ZP3: variants seen among roughly 807,000 people sequenced by gnomAD.
ZP3 encodes zona pellucida sperm-binding protein 3.
A neutral mutation model predicts 35.6 loss-of-function variants in ZP3; 21 were observed. The observed-to-expected ratio is 0.59, with a 90% CI of 0.42 to 0.85. The LOEUF (loss-of-function observed/expected upper bound fraction) is 0.85. ZP3 is among the 40% of genes least tolerant of loss of function. The pLI is 0.00. For synonymous variants in ZP3, 207 were observed against 214.5 expected, an observed-to-expected ratio of 0.96 and a Z score of 0.31; for missense variants, 437 against 536.5, an observed-to-expected ratio of 0.81 and a Z score of 1.83.
chr7:76,440,058 G>A, intron 5 of ZP3, 192 bp from the exon 6 acceptor site: 1 of 810,756 alleles, frequency 1.2e-6, no homozygotes, highest in East Asian at 2.8e-5. Context: ...TGTTGGCCAG[G>A]TTGGTCTCGA....
At chr7:76,427,457 A>G (rs533337959) in intron 1 of ZP3, among the ~76,000 whole-genome samples, 1 of 147,128 alleles carries the variant, frequency 6.8e-6, no homozygotes, top group Non-Finnish European at 1.5e-5. Flanking sequence ...CGTAGGTTGC[A>G]GTGAGTTGAG....
At chr7:76,424,750 TG>T (rs1805597632), upstream of ZP3, among the ~76,000 whole-genome samples, 1 of 152,228 alleles carries the variant, frequency 6.6e-6, no homozygotes, top group South Asian at 2.1e-4. Flanking sequence ...AACCAAATTC[TG>T]CTGTGGTCAT....
intron 5 of ZP3, among the ~76,000 whole-genome samples, chr7:76,438,659 T>C (rs1806103752): frequency 6.8e-6 from 1 of 147,162 alleles, no homozygotes; most frequent in African/African-American, 2.6e-5. Context: ...TCCCTCGTAC[T>C]TGTCTAACGA....
intron 2 of ZP3, among the ~76,000 whole-genome samples, chr7:76,431,507 G>A (rs1163153194): frequency 1.3e-5 from 2 of 152,114 alleles, no homozygotes; most frequent in Non-Finnish European, 2.9e-5. Flanking sequence ...GTAGGTATCT[G>A]CAGATACCCA....
intron 1 of ZP3, among the ~76,000 whole-genome samples, chr7:76,416,837 TACATATATACAC>T (rs1805381948): frequency 6.6e-6 from 1 of 150,380 alleles, no homozygotes; most frequent in African/African-American, 2.4e-5. Context: ...TACATATACA[TACATATATACAC>T]ACATACATAT....
upstream of ZP3, among the ~76,000 whole-genome samples, chr7:76,424,256 T>C (rs1451758113): frequency 6.6e-6 from 1 of 152,120 alleles, no homozygotes; most frequent in Admixed American, 6.6e-5. Flanking sequence ...CTGTGATACA[T>C]TGTGGTGCAC....
intron 1 of ZP3, among the ~76,000 whole-genome samples, chr7:76,412,810 T>C (rs1036985496): frequency 2.7e-5 from 4 of 150,122 alleles, no homozygotes; most frequent in Non-Finnish European, 5.9e-5. Context: ...GATCGCGCCA[T>C]TGCACTCCAG....
intron 5 of ZP3, among the ~76,000 whole-genome samples, chr7:76,438,261 A>G (rs1806084687): frequency 6.6e-6 from 1 of 152,066 alleles, no homozygotes; most frequent in South Asian, 2.1e-4. Context: ...ATGTCAGTCT[A>G]AAATGAGAAG....
intron 1 of ZP3, chr7:76,401,127 A>G: frequency 6.9e-7 from 1 of 1,443,796 alleles, no homozygotes; most frequent in Non-Finnish European, 9.2e-7. Context: ...CAACTCCCAC[A>G]GTCCTCAACA....
chr7:76,438,327 G>T (rs1287728988), intron 5 of ZP3, among the ~76,000 whole-genome samples: 1 of 152,116 alleles, frequency 6.6e-6, no homozygotes, highest in Non-Finnish European at 1.5e-5. Context: ...TGAGGCCAAG[G>T]CAGGTGGATC....
intron 1 of ZP3, among the ~76,000 whole-genome samples, chr7:76,418,742 G>A (rs1252811124): frequency 6.6e-6 from 1 of 151,738 alleles, no homozygotes; most frequent in Non-Finnish European, 1.5e-5. Context: ...TATAGTCCCA[G>A]CTACTTGGGA....
At chr7:76,432,023 T>C (rs1563700586) in intron 2 of ZP3, among the ~76,000 whole-genome samples, 1 of 144,438 alleles carries the variant, frequency 6.9e-6, no homozygotes, top group Non-Finnish European at 1.6e-5. Context: ...TGGTGGCTTT[T>C]GGTTTTTTGT....
Position 76,436,003 on chromosome 7 carries a change from C to T in ZP3, c.831+1848C>T, listed in dbSNP as rs1254766192. On this transcript the variant is annotated intron_variant, in intron 5 of 7. Transcript: ENST00000394857. ...CTTCCCAAAGTGCTGGGATTATAGG[C>T]ATGAACCACCACGCGCCCCCCGCCC... Among the ~76,000 whole-genome samples the T allele has an allele frequency of 5.0e-5, 7 of 140,544 alleles. No individual in the cohort carries two copies. In the Admixed American group the frequency reaches 5.3e-4, roughly 11 times the overall value. 92.2% of individuals were successfully genotyped at this position (140,544 alleles called of 152,430 possible).
chr7:76,397,543 G>C (rs754019528), exon 1 of ZP3: 1 of 1,587,792 alleles, frequency 6.3e-7, no homozygotes, highest in South Asian at 1.1e-5. Context: ...CCGCGTCCTC[G>C]TGGTGGCCGC....
intron 1 of ZP3, among the ~76,000 whole-genome samples, chr7:76,412,202 A>G (rs1563690896): frequency 1.3e-5 from 2 of 150,750 alleles, no homozygotes; most frequent in Admixed American, 1.3e-4. Flanking sequence ...AAAAAAAAAA[A>G]GAAAAGAAAA....
intron 1 of ZP3, among the ~76,000 whole-genome samples, chr7:76,419,090 G>A (rs925608365): frequency 8.6e-5 from 13 of 152,034 alleles, no homozygotes; most frequent in African/African-American, 3.1e-4. Context: ...CTAGATGAGT[G>A]TCAGGATTAA....
intron 5 of ZP3, 144 bp from the exon 6 acceptor site, chr7:76,440,106 C>T (rs1201734813): frequency 1.4e-6 from 2 of 1,450,828 alleles, no homozygotes; most frequent in African/African-American, 2.8e-5. Context: ...CTTGGGCTCC[C>T]AAAGTGCTGG....
chr7:76,436,095 A>C (rs1805999011), intron 5 of ZP3, among the ~76,000 whole-genome samples: 1 of 108,164 alleles, frequency 9.2e-6, no homozygotes, highest in Non-Finnish European at 1.7e-5. Context: ...TCTGTCACCC[A>C]GGCTGGAGTA....
intron 1 of ZP3, chr7:76,400,510 T>G (rs751682350): frequency 1.3e-6 from 2 of 1,590,376 alleles, no homozygotes; most frequent in Admixed American, 3.5e-5. Flanking sequence ...CCAGTCGTCA[T>G]CACAGACGCT....
Sources: allele counts gnomAD v4.1 joint callset (sites outside exome capture counted in the v4.1 genomes callset), GRCh38; gene constraint gnomAD v4.1.1; transcripts MANE v1.5; gene names NCBI Gene and HGNC (gene_info 2026-07-23, HGNC 2026-07-21).